Variants in SMAD3 observed in about 807,000 individuals in gnomAD.
SMAD3 encodes the protein SMAD family member 3.
A neutral mutation model predicts 51.8 loss-of-function variants in SMAD3; 12 were observed. That is an observed-to-expected ratio of 0.23 (90% CI 0.15 to 0.38). The LOEUF (loss-of-function observed/expected upper bound fraction) is 0.38. Ranked by LOEUF, SMAD3 falls within the 10% of genes least tolerant of loss-of-function variation. SMAD3 has a pLI of 1.00. For missense variants in SMAD3, 294 were observed against 565.6 expected (o/e 0.52, Z 4.87); for synonymous variants, 238 against 227.7 (o/e 1.05, Z -0.41).
chr15:67,140,892 G>A (rs1035673436), intron 1 of SMAD3, among the ~76,000 whole-genome samples: 1 of 152,142 alleles, frequency 6.6e-6, no homozygotes, highest in Non-Finnish European at 1.5e-5. Flanking sequence ...AGGGGGCATT[G>A]GCAAGTCGGC....
chr15:67,067,956 C>T (rs1959965511), intron 1 of SMAD3, among the ~76,000 whole-genome samples: 1 of 152,048 alleles, frequency 6.6e-6, no homozygotes, highest in Non-Finnish European at 1.5e-5. Context: ...TCTGCCAAAC[C>T]TACCTTCTCC....
At chr15:67,181,785 A>G (rs570734678) in intron 6 of SMAD3, among the ~76,000 whole-genome samples, 56 of 116,052 alleles carry the variant, frequency 4.8e-4, no homozygotes, top group Non-Finnish European at 8.5e-4. Context: ...AACATATGAA[A>G]TCTATTTTTT....
intron 5 of SMAD3, among the ~76,000 whole-genome samples, chr15:67,177,027 A>G (rs925257414): frequency 1.3e-5 from 2 of 152,216 alleles, no homozygotes; most frequent in East Asian, 1.9e-4. Context: ...GGAGCCTTCT[A>G]TAGAACTGCT....
chr15:67,179,659 A>G (rs180821833), intron 5 of SMAD3, among the ~76,000 whole-genome samples: 16 of 152,304 alleles, frequency 1.1e-4, no homozygotes, highest in African/African-American at 3.8e-4. Flanking sequence ...AGGGGCAACC[A>G]GACCCCTTCC....
intron 1 of SMAD3, among the ~76,000 whole-genome samples, chr15:67,113,076 G>GTATATGTATATATATATATA: frequency 2.9e-5 from 1 of 34,986 alleles, no homozygotes; most frequent in East Asian, 7.3e-4. Context: ...ATATATATGT[G>GTATATGTATATATATATATA]TATATATATA....
intron 1 of SMAD3, chr15:67,146,999 G>T (rs2140272215): frequency 6.6e-6 from 1 of 152,308 alleles, no homozygotes. Context: ...ACCCCGCCAG[G>T]CCCTGCCAGG....
chr15:67,114,409 C>G lies in SMAD3; in HGVS notation c.206+48049C>G, dbSNP rs77766439. ...GAGGCCCACCCAGATAGCTCCCTCACCGGGGGCAAGGAACAAGCCACCTTC... is the reference window on the plus strand; with the variant it reads ...GAGGCCCACCCAGATAGCTCCCTCAGCGGGGGCAAGGAACAAGCCACCTTC... On this transcript the variant is annotated intron_variant, in intron 1 of 8. Coordinates refer to ENST00000327367, the MANE Select transcript of SMAD3 (RefSeq NM_005902.4). Among the ~76,000 whole-genome samples, 441 of 152,320 alleles carry G rather than the reference C, an allele frequency of 2.9e-3. 3 individuals are homozygous for G. The highest frequency in any genetic ancestry group is 0.01 in the African/African-American group (424 of 41,566).
chr15:67,084,174 C>A (rs1305690470), intron 1 of SMAD3, among the ~76,000 whole-genome samples: 3 of 137,526 alleles, frequency 2.2e-5, no homozygotes, highest in African/African-American at 8.1e-5. Flanking sequence ...CTCCGGGGTT[C>A]ATGCTATTCT....
chr15:67,127,063 G>A (rs776431822), intron 1 of SMAD3, among the ~76,000 whole-genome samples: 10 of 152,176 alleles, frequency 6.6e-5, no homozygotes, highest in Non-Finnish European at 1.3e-4. Flanking sequence ...GATCCATTTA[G>A]CTCTCAGACA....
intron 1 of SMAD3, among the ~76,000 whole-genome samples, chr15:67,108,094 G>A (rs571234819): frequency 2.0e-4 from 31 of 152,152 alleles, no homozygotes; most frequent in Admixed American, 2.6e-4. Context: ...GGGATAACTC[G>A]CCTTGTCCCT....
At chr15:67,095,674 G>A (rs1960600170) in intron 1 of SMAD3, among the ~76,000 whole-genome samples, 1 of 152,136 alleles carries the variant, frequency 6.6e-6, no homozygotes, top group East Asian at 1.9e-4. Flanking sequence ...TGGGATTACA[G>A]GCACCTGCCA....
chr15:67,132,077 C>T (rs766789841), intron 1 of SMAD3, among the ~76,000 whole-genome samples: 1 of 152,118 alleles, frequency 6.6e-6, no homozygotes, highest in Non-Finnish European at 1.5e-5. Context: ...GAACCCTGTC[C>T]AAACTGATGG....
rs1963403799 is a variant in SMAD3 at position 67,192,915 on chromosome 15, A to C, written c.*2379A>C. The C allele has an allele frequency of 4.3e-6, 1 of 233,176 alleles. No homozygotes were observed. The highest frequency in any genetic ancestry group is 5.6e-5 in the Admixed American group (1 of 17,786). The allele number at this position is 233,176 out of a possible 1,614,324, so 14.4% of individuals were successfully genotyped here. On this transcript the variant is annotated 3_prime_UTR_variant, in exon 9 of 9. Transcript: ENST00000327367. ...GAAGTTTGAGTTTTGTGTTTTTCCA[A>C]AGGATACTTCCTTGGCCCTTTTTCT...
In SMAD3 at chr15:67,195,147, T is replaced by G. The variant is rs1176447797; in HGVS notation, c.*4611T>G. On this transcript the variant is annotated 3_prime_UTR_variant, in exon 9 of 9. Transcript: ENST00000327367. ...CCTCTCTTCCTCTTGTAAGTGCCCT[T>G]CTAATAAACTTTTCATGGAAAAGCT... 1.3e-5 allele frequency: 3 copies of G among 232,716 alleles called. No homozygotes were observed. Among genetic ancestry groups the G allele is most frequent in the African/African-American group, 6.6e-5 (3 of 45,268 alleles). The allele number at this position is 232,716 out of a possible 1,614,324, so 14.4% of individuals were successfully genotyped here. A position where few individuals can be genotyped will look rare whatever the true frequency, so the allele number is the denominator to read the frequency against.
intron 1 of SMAD3, among the ~76,000 whole-genome samples, chr15:67,136,073 AACC>A (rs1176999716): frequency 6.6e-6 from 1 of 152,202 alleles, no homozygotes; most frequent in Admixed American, 6.5e-5. Context: ...AATGTGTTTG[AACC>A]ACCAAAGCAA....
chr15:67,075,541 C>T lies in SMAD3; in HGVS notation c.206+9181C>T, dbSNP rs1960148727. ...CTGACAGTTATTAGCTATGTGGTGACCTTGGGTACTTTGCTTCAACTTATT... is the reference window on the plus strand; with the variant it reads ...CTGACAGTTATTAGCTATGTGGTGATCTTGGGTACTTTGCTTCAACTTATT... On this transcript the variant is annotated intron_variant, in intron 1 of 8. Transcript: ENST00000327367. Among the ~76,000 whole-genome samples the T allele has an allele frequency of 2.6e-5, 4 of 152,270 alleles. 1 individual carries two copies. The South Asian group carries it at 8.3e-4, about 32-fold the overall frequency.
intron 1 of SMAD3, among the ~76,000 whole-genome samples, chr15:67,106,707 C>A (rs1345292777): frequency 2.0e-5 from 3 of 152,298 alleles, no homozygotes; most frequent in Admixed American, 2.0e-4. Context: ...GCCCCACACA[C>A]AGCTTCCTTT....
Position 67,192,552 on chromosome 15 carries a change from C to T in SMAD3, c.*2016C>T. ...TCTGAGACCCAGGAACCAAATATTCCATTTTGGCTTCTGCTAGAGCAGTCA... is the reference window on the plus strand; with the variant it reads ...TCTGAGACCCAGGAACCAAATATTCTATTTTGGCTTCTGCTAGAGCAGTCA... On this transcript the variant is annotated 3_prime_UTR_variant, in exon 9 of 9. Coordinates refer to ENST00000327367, the MANE Select transcript of SMAD3 (RefSeq NM_005902.4). 1 of 233,352 alleles carries T rather than the reference C, an allele frequency of 4.3e-6. No homozygotes were observed. Among genetic ancestry groups the T allele is most frequent in the Non-Finnish European group, 8.5e-6 (1 of 118,016 alleles). The allele number at this position is 233,352 out of a possible 1,614,324, so 14.5% of individuals were successfully genotyped here.
chr15:67,138,713 C>T (rs1961736444), intron 1 of SMAD3, among the ~76,000 whole-genome samples: 1 of 152,142 alleles, frequency 6.6e-6, no homozygotes, highest in African/African-American at 2.4e-5. Flanking sequence ...TGCCAGGCAT[C>T]ATAATTTGTG....
Sources: gnomAD v4.1 joint callset for allele counts (sites outside exome capture counted in the v4.1 genomes callset) on GRCh38, gnomAD v4.1.1 for gene constraint, MANE v1.5 for transcripts, NCBI Gene and HGNC (gene_info 2026-07-23, HGNC 2026-07-21) for gene names.